The following CMC1 variants were observed in gnomAD, a reference collection of about 807,000 sequenced individuals.
The protein encoded by CMC1 is COX assembly mitochondrial protein homolog.
A neutral mutation model predicts 14.1 loss-of-function variants in CMC1; 14 were observed. The observed-to-expected ratio is 0.99, with a 90% CI of 0.66 to 1.55. The LOEUF is 1.55. Among genes scored for constraint, CMC1 ranks in the 40% most tolerant of loss-of-function variants. The pLI is 0.00. For missense variants in CMC1, 127 were observed against 123.8 expected (o/e 1.03, Z -0.12); for synonymous variants, 50 against 38.4 (o/e 1.30, Z -1.12).
In CMC1 at chr3:28,308,449, A is replaced by C. The variant is rs186551890; in HGVS notation, c.110-7884A>C. Among the ~76,000 whole-genome samples the C allele has an allele frequency of 1.6e-3, 244 of 152,310 alleles. 2 individuals carry two copies. Among genetic ancestry groups the C allele is most frequent in the African/African-American group, 5.5e-3 (229 of 41,564 alleles). On this transcript the variant is annotated intron_variant, in intron 2 of 3. Transcript: ENST00000466830. ...GTTATTTTTAGCATAGTTGGAAATAACTGACAGGCCATGATGCAATAATTT... is the reference window on the plus strand; with the variant it reads ...GTTATTTTTAGCATAGTTGGAAATACCTGACAGGCCATGATGCAATAATTT...
chr3:28,242,165 C>G (rs1172297798), intron 1 of CMC1, among the ~76,000 whole-genome samples: 1 of 152,186 alleles, frequency 6.6e-6, no homozygotes, highest in Admixed American at 6.5e-5. Context: ...TATATTTGTT[C>G]TGGCGCACAG....
intron 2 of CMC1, among the ~76,000 whole-genome samples, chr3:28,294,130 C>T (rs1045733783): frequency 6.6e-6 from 1 of 152,054 alleles, no homozygotes; most frequent in African/African-American, 2.4e-5. Flanking sequence ...AGTGCTGTAA[C>T]AGGATCATCT....
intron 2 of CMC1, among the ~76,000 whole-genome samples, chr3:28,310,460 G>A (rs953547196): frequency 5.9e-5 from 9 of 152,116 alleles, no homozygotes; most frequent in East Asian, 1.9e-4. Context: ...CAGCTAAAAC[G>A]TGAATCATTA....
chr3:28,288,325 C>A (rs115394134), intron 2 of CMC1, among the ~76,000 whole-genome samples: 3,351 of 152,008 alleles, frequency 0.022, 61 homozygotes, highest in South Asian at 0.069. Flanking sequence ...CAAGTGATAT[C>A]AAATAATTTA....
chr3:28,307,707 GT>G (rs1297215710), intron 2 of CMC1, among the ~76,000 whole-genome samples: 1 of 152,152 alleles, frequency 6.6e-6, no homozygotes, highest in Non-Finnish European at 1.5e-5. Flanking sequence ...CTTTTAGCCA[GT>G]TTTTCCCCCC....
chr3:28,295,594 T>G (rs1577066369), intron 2 of CMC1, among the ~76,000 whole-genome samples: 1 of 152,278 alleles, frequency 6.6e-6, no homozygotes, highest in Non-Finnish European at 1.5e-5. Flanking sequence ...TCTGTAACTC[T>G]TACCACATTG....
chr3:28,269,215 CAG>C (rs766251967), intron 2 of CMC1, among the ~76,000 whole-genome samples: 3 of 152,120 alleles, frequency 2.0e-5, no homozygotes, highest in Admixed American at 6.6e-5. Flanking sequence ...CCATGCATAA[CAG>C]GGGACTACTG....
At chr3:28,309,850 C>A (rs1458928312) in intron 2 of CMC1, among the ~76,000 whole-genome samples, 1 of 146,708 alleles carries the variant, frequency 6.8e-6, no homozygotes, top group Non-Finnish European at 1.5e-5. Context: ...CACACACACA[C>A]ACACACACAC....
At chr3:28,263,574 T>G (rs1045005221) in intron 2 of CMC1, among the ~76,000 whole-genome samples, 194 bp downstream of exon 2, 18 of 152,134 alleles carry the variant, frequency 1.2e-4, no homozygotes, top group African/African-American at 4.3e-4. Context: ...TAAAAATATT[T>G]CCCTAAATTA....
In CMC1 at chr3:28,316,406, AG is replaced by A. The variant is rs767905168; in HGVS notation, c.184del (p.Glu62AsnfsTer3). 6.3e-7 allele frequency: 1 copy of A among 1,593,858 alleles called. No homozygotes were observed. Among genetic ancestry groups the A allele is most frequent in the Admixed American group, 1.7e-5 (1 of 57,144 alleles). On this transcript the variant is annotated frameshift_variant, in exon 3 of 4. Transcript: ENST00000466830. LOFTEE classifies it high-confidence loss of function. Reference sequence around the variant, plus strand: ...GCCGGAAAGAAAATTCTGCATTGAAAGAATGTCTAACTGCTTAGTAAGTAGT... The same window carrying A: ...GCCGGAAAGAAAATTCTGCATTGAAAAATGTCTAACTGCTTAGTAAGTAGT... ...KCRKENSALK[E>X]CLTAYYNDPA... is the part of the protein sequence containing the mutation.
chr3:28,250,055 T>G (rs536725059), intron 1 of CMC1, among the ~76,000 whole-genome samples: 1 of 152,300 alleles, frequency 6.6e-6, no homozygotes, highest in African/African-American at 2.4e-5. Flanking sequence ...CTCACCTTTA[T>G]GACCGCATTT....
rs201609649 is a variant in CMC1 at position 28,324,128 on chromosome 3, T to A, written c.*4499T>A. On this transcript the variant is annotated 3_prime_UTR_variant, in exon 4 of 4. Coordinates refer to ENST00000466830, the MANE Select transcript of CMC1 (RefSeq NM_182523.2). ...GGTAAAGGCAAAGTTTTAGTTTTAG[T>A]TTCCCCAAATGCTGTCTCACTTGAT... 5.3e-5 allele frequency: 86 copies of A among 1,610,502 alleles called. 1 individual carries two copies. The highest frequency in any genetic ancestry group is 3.3e-4 in the Middle Eastern group (2 of 6,042).
At chr3:28,301,060 G>T (rs1341187478) in intron 2 of CMC1, among the ~76,000 whole-genome samples, 1 of 151,818 alleles carries the variant, frequency 6.6e-6, no homozygotes, top group Non-Finnish European at 1.5e-5. Flanking sequence ...TCGTGATACA[G>T]TGTTAACATT....
intron 2 of CMC1, among the ~76,000 whole-genome samples, chr3:28,306,755 C>T (rs1468162988): frequency 3.3e-5 from 5 of 152,012 alleles, no homozygotes; most frequent in East Asian, 1.9e-4. Flanking sequence ...AGCAATTCTC[C>T]TGCCTCAGCC....
In CMC1 at chr3:28,264,135, A is replaced by G. The variant is rs72897837; in HGVS notation, c.109+755A>G. Among the ~76,000 whole-genome samples, 601 of 152,288 alleles carry G rather than the reference A, an allele frequency of 3.9e-3. 2 individuals carry two copies. Among genetic ancestry groups the G allele is most frequent in the African/African-American group, 0.014 (578 of 41,556 alleles). On this transcript the variant is annotated intron_variant, in intron 2 of 3. Transcript: ENST00000466830. ...AATTCTGTCTCTTGGAAGGGCCATC[A>G]AAAAGAAGTAATAAACTTTTATGGG... is the stretch of plus-strand genomic sequence containing the variant.
At chr3:28,308,635 CTAAG>C (rs1482837328) in intron 2 of CMC1, among the ~76,000 whole-genome samples, 1 of 152,056 alleles carries the variant, frequency 6.6e-6, no homozygotes, top group South Asian at 2.1e-4. Flanking sequence ...TTGGAGGCCT[CTAAG>C]AAAGAATAAA....
chr3:28,306,095 A>G (rs1228010619), intron 2 of CMC1, among the ~76,000 whole-genome samples: 1 of 151,898 alleles, frequency 6.6e-6, no homozygotes, highest in Non-Finnish European at 1.5e-5. Flanking sequence ...ATAGCCTTGT[A>G]GTATATTTTA....
chr3:28,323,805 T>G lies in CMC1; in HGVS notation c.*4176T>G, dbSNP rs1703272095. On this transcript the variant is annotated 3_prime_UTR_variant, in exon 4 of 4. Transcript: ENST00000466830. ...TTTTAAACACCTTAAGTTTACTTAT[T>G]AATTAGTATAGTAGCATATTTCAGA... The G allele has an allele frequency of 3.0e-6, 1 of 333,942 alleles. No homozygotes were observed. The allele number at this position is 333,942 out of a possible 1,614,324, so 20.7% of individuals were successfully genotyped here. A position where few individuals can be genotyped will look rare whatever the true frequency, so the allele number is the denominator to read the frequency against.
chr3:28,293,247 G>A (rs1701569797), intron 2 of CMC1, among the ~76,000 whole-genome samples: 1 of 152,044 alleles, frequency 6.6e-6, no homozygotes, highest in Admixed American at 6.6e-5. Context: ...AAGCTGGATG[G>A]AGGAGTTGAT....
Sources: allele counts gnomAD v4.1 joint callset (sites outside exome capture counted in the v4.1 genomes callset), GRCh38; gene constraint gnomAD v4.1.1; transcripts MANE v1.5; gene names NCBI Gene and HGNC (gene_info 2026-07-23, HGNC 2026-07-21).